COP1: variants seen among roughly 807,000 people sequenced by gnomAD.
COP1 encodes the protein E3 ubiquitin-protein ligase COP1.
COP1 carries 24 observed loss-of-function variants against 101.3 expected under a neutral mutation model. The ratio of observed to expected loss-of-function variants is 0.24; its 90% CI spans 0.17 to 0.33. The LOEUF (loss-of-function observed/expected upper bound fraction) is 0.33, where lower values mean the gene tolerates loss of function less well. Ranked by LOEUF, COP1 falls within the 10% of genes least tolerant of loss-of-function variation. The pLI, the probability that COP1 is intolerant of heterozygous loss-of-function variation, is 1.00. For synonymous variants in COP1, 347 were observed against 341.9 expected, an observed-to-expected ratio of 1.01 and a Z score of -0.17; for missense variants, 663 against 906.2, an observed-to-expected ratio of 0.73 and a Z score of 3.45.
In COP1 at chr1:175,973,821, A is replaced by G. The variant is rs184395023; in HGVS notation, c.2133+13122T>C. 4.2e-3 allele frequency among the ~76,000 whole-genome samples: 641 copies of G among 152,314 alleles called. 2 individuals are homozygous for G. Among genetic ancestry groups the G allele is most frequent in the Non-Finnish European group, 6.2e-3 (424 of 68,032 alleles). ...AAAGTTCCAGTATAATGGCATTATC[A>G]TATGTAACAAACAGAAGTGCAGGAA... On this transcript the variant is annotated intron_variant, in intron 18 of 19. Transcript: ENST00000367669.
chr1:176,200,113 C>G (rs1700115679), intron 1 of COP1, among the ~76,000 whole-genome samples: 1 of 152,146 alleles, frequency 6.6e-6, no homozygotes. Context: ...CTATGGGCCA[C>G]ATTTCCTCAT....
intron 11 of COP1, among the ~76,000 whole-genome samples, chr1:176,078,784 TA>T (rs970005118): frequency 3.4e-5 from 5 of 149,144 alleles, no homozygotes; most frequent in Admixed American, 2.0e-4. Flanking sequence ...ACAAGAAACT[TA>T]AAAAAAAATC....
intron 8 of COP1, among the ~76,000 whole-genome samples, chr1:176,121,160 C>T (rs1341120922): frequency 6.6e-6 from 1 of 151,906 alleles, no homozygotes; most frequent in Non-Finnish European, 1.5e-5. Context: ...CATATAGTTA[C>T]TGAACCAGTT....
intron 11 of COP1, among the ~76,000 whole-genome samples, chr1:176,070,364 A>G (rs184214006): frequency 7.2e-6 from 1 of 139,284 alleles, no homozygotes; most frequent in Non-Finnish European, 1.6e-5. Flanking sequence ...TTTTTTTTTT[A>G]AATTAAAAAC....
At chr1:176,039,949 T>TA (rs1034480983) in intron 14 of COP1, among the ~76,000 whole-genome samples, 3 of 151,950 alleles carry the variant, frequency 2.0e-5, no homozygotes, top group African/African-American at 4.8e-5. Flanking sequence ...CTTAAAACTA[T>TA]AAAAAATCTT....
At chr1:176,107,266 C>A (rs1018811735) in intron 9 of COP1, among the ~76,000 whole-genome samples, 1 of 151,818 alleles carries the variant, frequency 6.6e-6, no homozygotes, top group African/African-American at 2.4e-5. Flanking sequence ...AGCTTGCAAG[C>A]AATGATACTC....
intron 8 of COP1, among the ~76,000 whole-genome samples, chr1:176,131,700 T>C (rs573939410): frequency 2.0e-5 from 3 of 151,884 alleles, no homozygotes; most frequent in African/African-American, 7.2e-5. Flanking sequence ...AAAAATCAAA[T>C]ATGAATAGTA....
intron 11 of COP1, among the ~76,000 whole-genome samples, chr1:176,058,295 T>C (rs1385974086): frequency 6.6e-6 from 1 of 152,180 alleles, no homozygotes; most frequent in East Asian, 1.9e-4. Context: ...GAACGGGCCA[T>C]GATGACAATG....
intron 15 of COP1, among the ~76,000 whole-genome samples, chr1:175,999,296 C>G (rs1305716586): frequency 6.6e-6 from 1 of 152,068 alleles, no homozygotes; most frequent in African/African-American, 2.4e-5. Flanking sequence ...CTTCTACTCT[C>G]TATGTCCATG....
chr1:176,073,277 G>A (rs1043216193), intron 11 of COP1, among the ~76,000 whole-genome samples: 3 of 152,142 alleles, frequency 2.0e-5, no homozygotes, highest in Non-Finnish European at 2.9e-5. Flanking sequence ...TAGCATCAAT[G>A]AATGCCACCA....
chr1:175,995,279 C>T (rs1659847927), intron 15 of COP1, among the ~76,000 whole-genome samples: 1 of 152,194 alleles, frequency 6.6e-6, no homozygotes, highest in African/African-American at 2.4e-5. Context: ...ACTAAATGCT[C>T]ACAAGACAAA....
intron 18 of COP1, among the ~76,000 whole-genome samples, chr1:175,984,606 C>A (rs955622340): frequency 6.6e-6 from 1 of 152,126 alleles, no homozygotes; most frequent in African/African-American, 2.4e-5. Context: ...TCCGCCAGAC[C>A]CCAAAATGGT....
At chr1:175,984,596 T>C (rs937631635) in intron 18 of COP1, among the ~76,000 whole-genome samples, 2 of 152,072 alleles carry the variant, frequency 1.3e-5, no homozygotes, top group East Asian at 1.9e-4. Flanking sequence ...AGGGCCACCA[T>C]CCGCCAGACC....
intron 8 of COP1, among the ~76,000 whole-genome samples, chr1:176,130,672 TCA>T (rs1275121753): frequency 6.6e-6 from 1 of 151,770 alleles, no homozygotes; most frequent in East Asian, 1.9e-4. Context: ...TTTAACAAAT[TCA>T]CAAACTGTGA....
At chr1:176,178,547 A>T (rs981473117) in intron 2 of COP1, among the ~76,000 whole-genome samples, 7 of 152,088 alleles carry the variant, frequency 4.6e-5, no homozygotes, top group Non-Finnish European at 1.0e-4. Context: ...AGAGACTCTG[A>T]AAGGTTATTA....
rs184273124 is a variant in COP1, at chr1:175,973,262, T to C, written c.2133+13681A>G. ...TGACAGTTTAGTAAAAGAGTTAACT[T>C]TGCAAATGGAAATACATTGAGAATT... On this transcript the variant is annotated intron_variant, in intron 18 of 19. Transcript: ENST00000367669. Among the ~76,000 whole-genome samples the C allele has an allele frequency of 4.4e-4, 67 of 152,350 alleles. 1 individual carries two copies. Among genetic ancestry groups the C allele is most frequent in the African/African-American group, 1.6e-3 (66 of 41,582 alleles).
In COP1 at chr1:176,043,014, G is replaced by A. The variant is rs13376130; in HGVS notation, c.1612+172C>T. On this transcript the variant is annotated intron_variant, in intron 14 of 19. Coordinates refer to ENST00000367669, the MANE Select transcript of COP1 (RefSeq NM_022457.7). Reference sequence around the variant, plus strand: ...ACTGTACTCCAGCCTGGGTGACAGAGTGAGATTCCATCTCAAAAAACAAAA... The same window carrying A: ...ACTGTACTCCAGCCTGGGTGACAGAATGAGATTCCATCTCAAAAAACAAAA... 7.8e-3 allele frequency among the ~76,000 whole-genome samples: 1,185 copies of A among 152,256 alleles called. 18 individuals are homozygous for A. Among genetic ancestry groups the A allele is most frequent in the African/African-American group, 0.026 (1,073 of 41,546 alleles).
At position 176,194,003 on chromosome 1, in the gene COP1, T is replaced by C. The variant is rs1699382970; in HGVS notation, c.408-9311A>G. On this transcript the variant is annotated intron_variant, in intron 1 of 19. Coordinates refer to ENST00000367669, the MANE Select transcript of COP1 (RefSeq NM_022457.7). The stretch of plus-strand genomic sequence containing the variant: ...ACTAACACTTTTGACAACAAGGGAG[T>C]AGCAGAATGGATCCTACAAATGGAA... Among the ~76,000 whole-genome samples the C allele has an allele frequency of 2.0e-5, 3 of 152,034 alleles. No homozygotes were observed. In the South Asian group the frequency reaches 6.2e-4, roughly 32 times the overall value.
intron 9 of COP1, among the ~76,000 whole-genome samples, chr1:176,099,505 GTCTCTCTCTCTCTCTCTCTCTCTC>G (rs145354415): frequency 1.4e-5 from 2 of 143,790 alleles, no homozygotes; most frequent in Non-Finnish European, 3.1e-5. Context: ...GAGCATATTT[GTCTCTCTCTCTCTCTCTCTCTCTC>G]TCTCTCTCTC....
Sources: gnomAD v4.1 joint callset for allele counts (sites outside exome capture counted in the v4.1 genomes callset) on GRCh38, gnomAD v4.1.1 for gene constraint, MANE v1.5 for transcripts, NCBI Gene and HGNC (gene_info 2026-07-23, HGNC 2026-07-21) for gene names.